Variants in UNC5C observed in about 807,000 individuals in gnomAD.
UNC5C encodes the protein unc-5 netrin receptor C.
UNC5C carries 47 observed loss-of-function variants against 99.8 expected under a neutral mutation model. The observed-to-expected ratio is 0.47, with a 90% CI of 0.37 to 0.60. The LOEUF (loss-of-function observed/expected upper bound fraction) is 0.60. UNC5C is among the 20% of genes least tolerant of loss of function. UNC5C has a pLI of 0.00. For missense variants in UNC5C, 1,062 were observed against 1,165.9 expected (o/e 0.91, Z 1.30); for synonymous variants, 487 against 452.2 (o/e 1.08, Z -0.98).
chr4:95,293,043 A>T (rs1741537351), intron 3 of UNC5C, among the ~76,000 whole-genome samples: 1 of 152,176 alleles, frequency 6.6e-6, no homozygotes, highest in Non-Finnish European at 1.5e-5. Context: ...TGAGGCCCGG[A>T]TAGACAGACC....
chr4:95,234,458 C>T lies in UNC5C; in HGVS notation c.1108+7971G>A, dbSNP rs187842806. ...TAGTTACATATGTATACATGTGCCACGTTCGTGTGCTGCACCCAATTAACT... is the reference window on the plus strand; with the variant it reads ...TAGTTACATATGTATACATGTGCCATGTTCGTGTGCTGCACCCAATTAACT... On this transcript the variant is annotated intron_variant, in intron 7 of 15. Coordinates refer to ENST00000453304, the MANE Select transcript of UNC5C (RefSeq NM_003728.4). 6.0e-3 allele frequency among the ~76,000 whole-genome samples: 918 copies of T among 151,970 alleles called. 2 individuals carry two copies. The highest frequency in any genetic ancestry group is 7.0e-3 in the Non-Finnish European group (476 of 68,002).
chr4:95,403,287 C>G (rs1745749445), intron 1 of UNC5C, among the ~76,000 whole-genome samples: 2 of 152,132 alleles, frequency 1.3e-5, no homozygotes, highest in African/African-American at 4.8e-5. Flanking sequence ...TTTGAAGAAA[C>G]AGCCTGAGCA....
intron 2 of UNC5C, among the ~76,000 whole-genome samples, chr4:95,327,891 G>A (rs1233610301): frequency 6.6e-6 from 1 of 151,842 alleles, no homozygotes; most frequent in Non-Finnish European, 1.5e-5. Context: ...AAGAATTCAG[G>A]ACACACTGGG....
chr4:95,464,025 A>G (rs1379273331), intron 1 of UNC5C, among the ~76,000 whole-genome samples: 1 of 152,230 alleles, frequency 6.6e-6, no homozygotes. Context: ...ATGAAATACA[A>G]CGGTATAAAT....
chr4:95,162,699 G>T lies in UNC5C; in HGVS notation c.*6535C>A, dbSNP rs1003825029. The T allele has an allele frequency of 1.3e-5, 2 of 152,066 alleles. No homozygotes were observed. The highest frequency in any genetic ancestry group is 2.9e-5 in the Non-Finnish European group (2 of 68,024). 9.4% of individuals were successfully genotyped at this position (152,066 alleles called of 1,614,324 possible). A position where few individuals can be genotyped will look rare whatever the true frequency, so the allele number is the denominator to read the frequency against. ...CACCTCCACCACTCAGCAAGGCGCC[G>T]GACAGATATCCGGAGGGCACTCTGC... On this transcript the variant is annotated 3_prime_UTR_variant, in exon 16 of 16. Transcript: ENST00000453304.
At chr4:95,524,153 A>T (rs2149491108) in intron 1 of UNC5C, among the ~76,000 whole-genome samples, 1 of 152,314 alleles carries the variant, frequency 6.6e-6, no homozygotes, top group East Asian at 1.9e-4. Context: ...TCAACCAGCA[A>T]TGGATGAAGC....
rs1735863337 is a variant in UNC5C at position 95,166,528 on chromosome 4, A to G, written c.*2706T>C. The G allele has an allele frequency of 1.3e-5, 2 of 152,182 alleles. No homozygotes were observed. The highest frequency in any genetic ancestry group is 4.8e-5 in the African/African-American group (2 of 41,444). 9.4% of individuals were successfully genotyped at this position (152,182 alleles called of 1,614,324 possible). The stretch of plus-strand genomic sequence containing the variant: ...CTCAGTGACTTCAGTAAGACAAACA[A>G]TTCCTGTTTGTGTTCAATAGTTCTG... On this transcript the variant is annotated 3_prime_UTR_variant, in exon 16 of 16. Transcript: ENST00000453304.
intron 2 of UNC5C, among the ~76,000 whole-genome samples, chr4:95,305,642 G>A (rs914281756): frequency 6.6e-6 from 1 of 152,148 alleles, no homozygotes; most frequent in African/African-American, 2.4e-5. Context: ...CCATCATGCT[G>A]CTTCCTTTAA....
At chr4:95,494,500 G>C (rs1721580124) in intron 1 of UNC5C, among the ~76,000 whole-genome samples, 1 of 151,402 alleles carries the variant, frequency 6.6e-6, no homozygotes, top group African/African-American at 2.4e-5. Flanking sequence ...ATAGCCAACA[G>C]AATTCAATGC....
At chr4:95,386,184 C>A (rs776959293) in intron 1 of UNC5C, among the ~76,000 whole-genome samples, 4 of 152,100 alleles carry the variant, frequency 2.6e-5, no homozygotes, top group Admixed American at 6.6e-5. Flanking sequence ...TTATTACAAC[C>A]AATTTCTAAC....
intron 1 of UNC5C, among the ~76,000 whole-genome samples, chr4:95,529,425 C>T (rs937957939): frequency 6.6e-6 from 1 of 150,598 alleles, no homozygotes; most frequent in African/African-American, 2.4e-5. Context: ...CATTTATCCT[C>T]ATATAAATTT....
At chr4:95,501,597 T>A (rs1283695431) in intron 1 of UNC5C, among the ~76,000 whole-genome samples, 1 of 152,154 alleles carries the variant, frequency 6.6e-6, no homozygotes, top group African/African-American at 2.4e-5. Flanking sequence ...TTGGCTCCTC[T>A]TATTACATGT....
intron 4 of UNC5C, among the ~76,000 whole-genome samples, chr4:95,258,746 CTTTTT>C (rs775570031): frequency 0.054 from 4,046 of 75,496 alleles, 111 homozygotes; most frequent in African/African-American, 0.17. Flanking sequence ...CCATCTTATT[CTTTTT>C]TTTTTTTTTT....
At position 95,202,878 on chromosome 4, in the gene UNC5C, G is replaced by T. The variant is rs1737736556; in HGVS notation, c.1989C>A (p.Asn663Lys). 6.2e-7 allele frequency: 1 copy of T among 1,614,248 alleles called. No individual in the cohort carries two copies. ...GTCCTACCAGGGCGTAGGTGCTGAG[G>T]TTCTCTGTGAGGATGTGGCAGGCCT... ...DAEACHILTE[N>K]LSTYALVGHS... Residue 663 changes from asparagine (N) to lysine (K), a missense_variant, in exon 12 of 16, where the codon AAC becomes AAA. Transcript: ENST00000453304.
intron 7 of UNC5C, among the ~76,000 whole-genome samples, chr4:95,226,914 A>T (rs1283867200): frequency 6.6e-6 from 1 of 152,084 alleles, no homozygotes; most frequent in Non-Finnish European, 1.5e-5. Flanking sequence ...CAATGAAAGA[A>T]ACAATCTTGC....
intron 1 of UNC5C, among the ~76,000 whole-genome samples, chr4:95,404,853 G>A (rs1745791815): frequency 6.6e-6 from 1 of 152,176 alleles, no homozygotes; most frequent in African/African-American, 2.4e-5. Context: ...ATGGATGGTG[G>A]AACAACGTGG....
At chr4:95,378,971 A>G (rs1489793320) in intron 1 of UNC5C, among the ~76,000 whole-genome samples, 1 of 152,148 alleles carries the variant, frequency 6.6e-6, no homozygotes, top group African/African-American at 2.4e-5. Context: ...CTACATGATT[A>G]TGTTCTGGGT....
chr4:95,361,560 T>A (rs575918810), intron 1 of UNC5C, among the ~76,000 whole-genome samples: 1 of 152,312 alleles, frequency 6.6e-6, no homozygotes, highest in South Asian at 2.1e-4. Context: ...GGGCTGCAGA[T>A]CGAATGTCTG....
At chr4:95,536,367 C>T (rs1041580005) in intron 1 of UNC5C, among the ~76,000 whole-genome samples, 10 of 152,012 alleles carry the variant, frequency 6.6e-5, no homozygotes, top group South Asian at 4.1e-4. Flanking sequence ...TGAGCCATTG[C>T]GCCCAGCCAC....
Sources: allele counts gnomAD v4.1 joint callset (sites outside exome capture counted in the v4.1 genomes callset), GRCh38; gene constraint gnomAD v4.1.1; transcripts MANE v1.5; gene names NCBI Gene and HGNC (gene_info 2026-07-23, HGNC 2026-07-21).